CACNA1G: variants seen among roughly 807,000 people sequenced by gnomAD.
CACNA1G encodes the protein calcium voltage-gated channel subunit alpha1 G, also known as voltage-dependent T-type calcium channel subunit alpha-1G.
In CACNA1G, 67 loss-of-function variants were observed where a neutral mutation model predicts 219.4. The observed-to-expected ratio is 0.31, with a 90% confidence interval of 0.25 to 0.37. The LOEUF is 0.37. Ranked by LOEUF, CACNA1G falls within the 10% of genes least tolerant of loss-of-function variation. The pLI, the probability that CACNA1G is intolerant of heterozygous loss-of-function variation, is 1.00. For missense variants in CACNA1G, 2,380 were observed against 3,231.4 expected (o/e 0.74, Z 6.39); for synonymous variants, 1,296 against 1,345.3 (o/e 0.96, Z 0.80).
chr17:50,620,243 G>T (rs1052863845), intron 34 of CACNA1G, among the ~76,000 whole-genome samples: 2 of 152,142 alleles, frequency 1.3e-5, no homozygotes, highest in African/African-American at 2.4e-5. Flanking sequence ...CTGCCAAGCT[G>T]CAGTCTCTCT....
chr17:50,564,264 G>A (rs976201061), intron 1 of CACNA1G, among the ~76,000 whole-genome samples: 5 of 151,834 alleles, frequency 3.3e-5, no homozygotes, highest in Admixed American at 2.0e-4. Context: ...AGGGGAGCAT[G>A]CTGGCCTTTC....
intron 1 of CACNA1G, 41 bp downstream of exon 1, chr17:50,561,742 G>A: frequency 6.6e-7 from 1 of 1,508,556 alleles, no homozygotes; most frequent in Middle Eastern, 1.9e-4. Flanking sequence ...GGGTCAGAAG[G>A]GGGACGGGCC....
At chr17:50,607,624 G>A in intron 24 of CACNA1G, 1 of 561,506 alleles carries the variant, frequency 1.8e-6, no homozygotes, top group Non-Finnish European at 3.2e-6. Flanking sequence ...CAAAGAGGCA[G>A]TTTTGGATGG....
At position 50,604,170 on chromosome 17, in the gene CACNA1G, G is replaced by C; in HGVS notation, c.4185G>C (p.Ala1395=). 1 of 1,613,294 alleles carries C rather than the reference G, an allele frequency of 6.2e-7. No homozygotes were observed. The highest frequency in any genetic ancestry group is 1.3e-5 in the African/African-American group (1 of 75,034). The change falls in exon 22 of 38, where the codon GCG becomes GCC. Residue 1395 remains alanine (A), a synonymous_variant. Transcript: ENST00000359106. ...CCCTCCCCAGGGTGATCAGCCGGGC[G>C]CAGGGGCTGAAGCTGGTGGTGGAGA... The part of the protein sequence containing the change: ...TLRPLRVISR[A]QGLKLVVETL...
In CACNA1G at chr17:50,618,202, C is replaced by T. The variant is rs1162177042; in HGVS notation, c.5306-20C>T. 3.1e-6 allele frequency: 5 copies of T among 1,613,156 alleles called. No individual in the cohort carries two copies. The highest frequency in any genetic ancestry group is 4.2e-6 in the Non-Finnish European group (5 of 1,179,254). Reference sequence around the variant, plus strand: ...CTCCTGGACTAACATGGGCCTCTCCCCCTTTCCCTCCTCCCCCAGAGTGTG... The same window carrying T: ...CTCCTGGACTAACATGGGCCTCTCCTCCTTTCCCTCCTCCCCCAGAGTGTG... On this transcript the variant is annotated intron_variant, in intron 31 of 37. Transcript: ENST00000359106. The surrounding 1 kb of genome is among the most constrained non-coding windows in gnomAD (Gnocchi z 5.3).
chr17:50,622,770 A>G (rs941247607), intron 35 of CACNA1G, among the ~76,000 whole-genome samples: 7 of 152,126 alleles, frequency 4.6e-5, no homozygotes, highest in African/African-American at 1.7e-4. Context: ...CTTCTCTGAA[A>G]CAGAGCAACA....
rs2035532514 is a variant in CACNA1G, at chr17:50,561,350, A to G, written c.-110A>G. 5 of 1,403,880 alleles carry G rather than the reference A, an allele frequency of 3.6e-6. No individual in the cohort carries two copies. Among genetic ancestry groups the G allele is most frequent in the Non-Finnish European group, 4.8e-6 (5 of 1,034,284 alleles). The allele number at this position is 1,403,880 out of a possible 1,614,324, so 87.0% of individuals were successfully genotyped here. A position where few individuals can be genotyped will look rare whatever the true frequency, so the allele number is the denominator to read the frequency against. On this transcript the variant is annotated 5_prime_UTR_variant, in exon 1 of 38. Transcript: ENST00000359106. Reference sequence around the variant, plus strand: ...CCCGGGGGCTCAGCTTGCGCCCTAGAGCCCACCAGATGTGCCCCCGCCGGG... The same window carrying G: ...CCCGGGGGCTCAGCTTGCGCCCTAGGGCCCACCAGATGTGCCCCCGCCGGG...
At chr17:50,601,815 G>A (rs909216368) in intron 19 of CACNA1G, among the ~76,000 whole-genome samples, 10 of 152,154 alleles carry the variant, frequency 6.6e-5, no homozygotes, top group Admixed American at 2.6e-4. Context: ...AAGGATGGGT[G>A]GGGGGTGGTT....
intron 16 of CACNA1G, 128 bp downstream of exon 16, chr17:50,597,051 G>T: frequency 2.3e-6 from 2 of 883,152 alleles, no homozygotes; most frequent in South Asian, 3.6e-5. Flanking sequence ...GCCTGGGTGT[G>T]CCTGGACAAG....
rs2052028215 is a variant in CACNA1G, at chr17:50,621,531, CT to C, written c.5926-124del. The C allele has an allele frequency of 3.8e-5, 40 of 1,048,782 alleles. No individual in the cohort carries two copies. Among genetic ancestry groups the C allele is most frequent in the Non-Finnish European group, 4.7e-5 (34 of 724,166 alleles). 65.0% of individuals were successfully genotyped at this position (1,048,782 alleles called of 1,614,324 possible). ...AAGGGTGGGGAGAGAGAAGGGATGC[CT>C]TTTTCCCGCCCCCCTGTGCTTCGTG... On this transcript the variant is annotated intron_variant, in intron 34 of 37. Coordinates refer to ENST00000359106, the MANE Select transcript of CACNA1G (RefSeq NM_018896.5). This position sits in a 1 kb window ranked among gnomAD's most constrained non-coding sequence, Gnocchi z 4.6.
chr17:50,612,220 C>T (rs2049362671), intron 26 of CACNA1G, among the ~76,000 whole-genome samples: 2 of 152,256 alleles, frequency 1.3e-5, no homozygotes, highest in African/African-American at 4.8e-5. Context: ...CAGTCCAGGG[C>T]TGCTGAGAAT....
In CACNA1G at chr17:50,618,707, C is replaced by T. The variant is rs2146291790; in HGVS notation, c.5480C>T (p.Ser1827Leu). Residue 1827 changes from serine to leucine, a missense_variant, in exon 33 of 38, where the codon TCG (serine) becomes TTG (leucine). Around this residue, in one of 17 missense-constraint regions of CACNA1G, gnomAD observed 33 missense variants for 70.2 expected, o/e 0.47. Transcript: ENST00000359106. This position sits in a 1 kb window ranked among gnomAD's most constrained non-coding sequence, Gnocchi z 5.3. The stretch of plus-strand genomic sequence containing the variant: ...TCCACCTGCTACAACACGGTCATCT[C>T]GCCTATCTACTTTGTGTCCTTCGTG... ...QESTCYNTVISPIYFVSFVLT... is the reference protein window; with the variant it reads ...QESTCYNTVILPIYFVSFVLT... The T allele has an allele frequency of 1.2e-6, 2 of 1,613,980 alleles. No individual in the cohort carries two copies. The highest frequency in any genetic ancestry group is 8.5e-7 in the Non-Finnish European group (1 of 1,179,884).
chr17:50,597,620 TA>T (rs1202341914), intron 16 of CACNA1G, among the ~76,000 whole-genome samples: 4 of 152,264 alleles, frequency 2.6e-5, no homozygotes, highest in Admixed American at 6.5e-5. Context: ...TTCACATACT[TA>T]TTTTTTTTGT....
At chr17:50,568,039 C>T (rs1379439338) in intron 1 of CACNA1G, among the ~76,000 whole-genome samples, 1 of 152,154 alleles carries the variant, frequency 6.6e-6, no homozygotes, top group African/African-American at 2.4e-5. Flanking sequence ...ATAATGGGTC[C>T]TCAATATTTA....
intron 1 of CACNA1G, 191 bp downstream of exon 1, chr17:50,561,892 C>T (rs2035809071): frequency 3.9e-6 from 2 of 511,716 alleles, no homozygotes; most frequent in Admixed American, 4.2e-5. Flanking sequence ...CAGGTCTCGT[C>T]GGTAACCCGG....
chr17:50,592,194 T>A, intron 13 of CACNA1G, 102 bp downstream of exon 13: 1 of 1,286,066 alleles, frequency 7.8e-7, no homozygotes, highest in Admixed American at 2.3e-5. Flanking sequence ...TTTGGGGGCC[T>A]GGGAAGTCCC....
Position 50,619,284 on chromosome 17 carries a change from G to A in CACNA1G, c.5781+276G>A, listed in dbSNP as rs116797791. 8.0e-3 allele frequency among the ~76,000 whole-genome samples: 1,222 copies of A among 152,314 alleles called. 18 individuals carry two copies. Among genetic ancestry groups the A allele is most frequent in the African/African-American group, 0.028 (1,176 of 41,568 alleles). On this transcript the variant is annotated intron_variant, in intron 33 of 37. Transcript: ENST00000359106. ...CCCCTTCCTGACTCATAGGTTCAAG[G>A]CTAAGTTTTCTGTTTCCTTCCTGTT...
Position 50,561,471 on chromosome 17 carries a change from G to C in CACNA1G, c.12G>C (p.Glu4Asp). 6.5e-7 allele frequency: 1 copy of C among 1,534,608 alleles called. No homozygotes were observed. The highest frequency in any genetic ancestry group is 8.7e-7 in the Non-Finnish European group (1 of 1,146,542). The change falls in exon 1 of 38, where the codon GAG (glutamate) becomes GAC (aspartate). Residue 4 changes from glutamate to aspartate, a missense_variant. Physicochemically the swap from Glu to Asp is conservative, Grantham distance 45 (BLOSUM62 2). This residue lies in a region of CACNA1G where 98 missense variants were observed against 85.5 expected (regional missense o/e 1.15). Transcript: ENST00000359106. MDE[E>D]EDGAGAEESG... ...CGGCTGGCCAGAGGATGGACGAGGA[G>C]GAGGATGGAGCGGGCGCCGAGGAGT...
At position 50,626,313 on chromosome 17, in the gene CACNA1G, C is replaced by T. The variant is rs757898163; in HGVS notation, c.6696C>T (p.Gly2232=). The change falls in exon 38 of 38, where the codon GGC becomes GGT. Residue 2232 remains glycine, a synonymous_variant. Transcript: ENST00000359106. This position sits in a 1 kb window ranked among gnomAD's most constrained non-coding sequence, Gnocchi z 4.3. ...SWISGDLLPP[G]GQEEPPSPRD... ...TTTCAGGAGACCTCCTGCCCCCTGG[C>T]GGCCAGGAGGAGCCCCCATCCCCAC... The T allele has an allele frequency of 1.7e-5, 27 of 1,613,184 alleles. No individual in the cohort carries two copies. The highest frequency in any genetic ancestry group is 6.7e-5 in the East Asian group (3 of 44,890).
Sources: gnomAD v4.1 joint callset for allele counts (sites outside exome capture counted in the v4.1 genomes callset) on GRCh38, gnomAD v4.1.1 for gene constraint, gnomAD v4.1.1 regional missense constraint, Gnocchi (gnomAD v3.1) non-coding constraint, MANE v1.5 for transcripts, NCBI Gene and HGNC (gene_info 2026-07-23, HGNC 2026-07-21) for gene names.